Variants in TTC23 observed in about 807,000 individuals in gnomAD.
The protein encoded by TTC23 is tetratricopeptide repeat domain 23, also known as tetratricopeptide repeat protein 23.
In TTC23, 58 loss-of-function variants were observed where a neutral mutation model predicts 55.1. That is an observed-to-expected ratio of 1.05 (90% CI 0.85 to 1.31). TTC23 has a LOEUF of 1.31. Among genes scored for constraint, TTC23 ranks in the 50% most tolerant of loss-of-function variants. The pLI is 0.00. For synonymous variants in TTC23, 203 were observed against 199.9 expected (o/e 1.02, Z -0.13); for missense variants, 516 against 534.4 (o/e 0.97, Z 0.34).
At chr15:99,156,517 G>A (rs560005467) in intron 11 of TTC23, among the ~76,000 whole-genome samples, 1 of 152,332 alleles carries the variant, frequency 6.6e-6, no homozygotes, top group South Asian at 2.1e-4. Flanking sequence ...CATGGGTGGG[G>A]AGGCCTCAGA....
At chr15:99,146,862 G>A (rs1369333773) in intron 12 of TTC23, among the ~76,000 whole-genome samples, 2 of 152,268 alleles carry the variant, frequency 1.3e-5, no homozygotes, top group South Asian at 4.1e-4. Flanking sequence ...CTGTGGTCAG[G>A]AGAACTGGAA....
At chr15:99,228,316 C>A (rs1049422050) in intron 5 of TTC23, 2 of 393,728 alleles carry the variant, frequency 5.1e-6, no homozygotes, top group Non-Finnish European at 9.1e-6. Flanking sequence ...GCACACAGTG[C>A]GAGCTCAACA....
chr15:99,146,954 T>G (rs558427256), intron 12 of TTC23, among the ~76,000 whole-genome samples: 6 of 151,712 alleles, frequency 4.0e-5, no homozygotes, highest in East Asian at 1.9e-4. Context: ...TCGCTCTGTT[T>G]CCCAGGCTGG....
At chr15:99,157,007 G>A (rs2070680037) in intron 11 of TTC23, among the ~76,000 whole-genome samples, 1 of 152,060 alleles carries the variant, frequency 6.6e-6, no homozygotes. Flanking sequence ...TCTTTAGATG[G>A]GTAAAATTTT....
intron 4 of TTC23, among the ~76,000 whole-genome samples, chr15:99,231,905 G>C (rs936784104): frequency 6.6e-6 from 1 of 151,948 alleles, no homozygotes; most frequent in Non-Finnish European, 1.5e-5. Flanking sequence ...CAATTCTCCT[G>C]CCTCAGCCTC....
chr15:99,179,245 C>T (rs2073893658), intron 9 of TTC23, among the ~76,000 whole-genome samples: 1 of 152,202 alleles, frequency 6.6e-6, no homozygotes, highest in Non-Finnish European at 1.5e-5. Context: ...CATCATCGCC[C>T]ACTCTGTGTT....
chr15:99,208,377 T>A (rs578056951), intron 8 of TTC23, among the ~76,000 whole-genome samples: 13 of 152,102 alleles, frequency 8.5e-5, no homozygotes, highest in Non-Finnish European at 1.9e-4. Context: ...AATAAAATGG[T>A]ATTGGGAAGA....
At chr15:99,213,783 G>C (rs1050648463) in intron 8 of TTC23, among the ~76,000 whole-genome samples, 2 of 152,052 alleles carry the variant, frequency 1.3e-5, no homozygotes, top group African/African-American at 2.4e-5. Context: ...CATTTTTTCT[G>C]TTTTACTTTT....
rs1487303843 is a variant in TTC23, at chr15:99,218,962, C to G, written c.391G>C (p.Asp131His). ...SIVPPYSENT[D>H]VFKFSIELFH... is the part of the protein sequence containing the mutation. ...AGCTCAATGGAAAACTTGAAAACAT[C>G]TGTATTCTCACTATAGGGAGGCACA... is the stretch of plus-strand genomic sequence containing the variant. Residue 131 changes from aspartate (D) to histidine (H), a missense_variant, in exon 7 of 14, where the codon GAT (aspartate) becomes CAT (histidine). Asp to His is a moderately conservative substitution (Grantham distance 81). Transcript: ENST00000394132. 6.2e-7 allele frequency: 1 copy of G among 1,614,204 alleles called. No individual in the cohort carries two copies. The highest frequency in any genetic ancestry group is 1.3e-5 in the African/African-American group (1 of 75,052).
intron 8 of TTC23, among the ~76,000 whole-genome samples, chr15:99,206,141 A>G (rs1415310541): frequency 6.6e-6 from 1 of 152,148 alleles, no homozygotes; most frequent in African/African-American, 2.4e-5. Context: ...GGATTTGTGT[A>G]TGTTGAACCA....
intron 9 of TTC23, among the ~76,000 whole-genome samples, chr15:99,193,495 C>T (rs2075420795): frequency 1.3e-5 from 2 of 152,162 alleles, no homozygotes; most frequent in East Asian, 1.9e-4. Flanking sequence ...CTGCCATCCA[C>T]ATATGACATG....
At chr15:99,224,583 C>A (rs749271458) in intron 5 of TTC23, among the ~76,000 whole-genome samples, 22 of 152,186 alleles carry the variant, frequency 1.4e-4, no homozygotes, top group Admixed American at 3.9e-4. Context: ...CACTGAATAT[C>A]CTGTATGGAT....
intron 11 of TTC23, chr15:99,158,144 T>C (rs2070866583): frequency 6.6e-6 from 1 of 152,210 alleles, no homozygotes; most frequent in South Asian, 2.1e-4. Context: ...GGCAGAGTGA[T>C]TGTGTAACTC....
chr15:99,229,514 A>T (rs1423385364), intron 4 of TTC23, among the ~76,000 whole-genome samples: 3 of 152,192 alleles, frequency 2.0e-5, no homozygotes, highest in Non-Finnish European at 4.4e-5. Flanking sequence ...CCAGTGGACT[A>T]CCTGAGTTGA....
At chr15:99,193,640 T>A (rs1596540192) in intron 9 of TTC23, among the ~76,000 whole-genome samples, 1 of 152,240 alleles carries the variant, frequency 6.6e-6, no homozygotes, top group Non-Finnish European at 1.5e-5. Flanking sequence ...GACAATGGAC[T>A]AATACAATCA....
chr15:99,165,106 T>C (rs1211095951), intron 10 of TTC23, among the ~76,000 whole-genome samples: 11 of 152,326 alleles, frequency 7.2e-5, no homozygotes, highest in Non-Finnish European at 4.4e-5. Flanking sequence ...TGATTTTAAT[T>C]TTAGGGACAG....
At chr15:99,193,383 T>C (rs1172336617) in intron 9 of TTC23, among the ~76,000 whole-genome samples, 1 of 152,168 alleles carries the variant, frequency 6.6e-6, no homozygotes, top group East Asian at 1.9e-4. Flanking sequence ...AACTGAATCA[T>C]GGGGGTAGGT....
At chr15:99,181,341 C>T (rs550756117) in intron 9 of TTC23, among the ~76,000 whole-genome samples, 2 of 152,266 alleles carry the variant, frequency 1.3e-5, no homozygotes, top group East Asian at 1.9e-4. Flanking sequence ...GAGTGAGATG[C>T]TAACATGTGG....
At chr15:99,236,197 T>G (rs1459468728) in intron 3 of TTC23, among the ~76,000 whole-genome samples, 1 of 152,182 alleles carries the variant, frequency 6.6e-6, no homozygotes, top group Non-Finnish European at 1.5e-5. Flanking sequence ...TGTTTTTAGT[T>G]TTTGGAGGAA....
Sources: allele counts gnomAD v4.1 joint callset (sites outside exome capture counted in the v4.1 genomes callset), GRCh38; gene constraint gnomAD v4.1.1; transcripts MANE v1.5; gene names NCBI Gene and HGNC (gene_info 2026-07-23, HGNC 2026-07-21).